LRCH3: variants seen among roughly 807,000 people sequenced by gnomAD.
The protein encoded by LRCH3 is DISP complex protein LRCH3.
Under a neutral mutation model 104.5 loss-of-function variants are expected in LRCH3, and 68 were observed. The ratio of observed to expected loss-of-function variants is 0.65; its 90% CI spans 0.54 to 0.80. The LOEUF (loss-of-function observed/expected upper bound fraction) is 0.80, where lower values mean the gene tolerates loss of function less well. Ranked by LOEUF, LRCH3 falls within the 30% of genes least tolerant of loss-of-function variation. The pLI is 0.00. For synonymous variants in LRCH3, 344 were observed against 361.3 expected, an observed-to-expected ratio of 0.95 and a Z score of 0.54; for missense variants, 951 against 953.9, an observed-to-expected ratio of 1.00 and a Z score of 0.04.
At chr3:197,865,992 A>T in intron 16 of LRCH3, 120 bp from the exon 17 acceptor site, 1 of 721,160 alleles carries the variant, frequency 1.4e-6, no homozygotes, top group South Asian at 1.8e-5. Flanking sequence ...TTTCATCATT[A>T]AATAGAATTA....
At chr3:197,811,069 T>G (rs1330477074) in intron 1 of LRCH3, among the ~76,000 whole-genome samples, 1 of 152,156 alleles carries the variant, frequency 6.6e-6, no homozygotes, top group Non-Finnish European at 1.5e-5. Flanking sequence ...GTGACAGATG[T>G]AAACAGAAAG....
intron 10 of LRCH3, among the ~76,000 whole-genome samples, chr3:197,841,566 C>T: frequency 6.6e-6 from 1 of 152,134 alleles, no homozygotes; most frequent in East Asian, 1.9e-4. Flanking sequence ...AATACAACAG[C>T]ATTCACTAGA....
At position 197,824,817 on chromosome 3, in the gene LRCH3, G is replaced by T. The variant is rs1475691434; in HGVS notation, c.641-2061G>T. On this transcript the variant is annotated intron_variant, in intron 4 of 20. Coordinates refer to ENST00000425562, the MANE Select transcript of LRCH3 (RefSeq NM_001365715.1). ...GAACTTCTGACCTCGTGATTCACCC[G>T]CCTTGGCCTCCCAAAGTGCTGGGAT... Among the ~76,000 whole-genome samples the T allele has an allele frequency of 2.0e-5, 3 of 151,604 alleles. No homozygotes were observed. In the South Asian group the frequency reaches 6.2e-4, roughly 32 times the overall value.
intron 15 of LRCH3, among the ~76,000 whole-genome samples, chr3:197,861,098 G>A (rs527297951): frequency 2.0e-4 from 30 of 151,492 alleles, no homozygotes; most frequent in African/African-American, 6.3e-4. Flanking sequence ...TCAGGCTTCC[G>A]AGTAGCTGGG....
chr3:197,849,430 T>A (rs1487094158), intron 12 of LRCH3, among the ~76,000 whole-genome samples: 1 of 152,116 alleles, frequency 6.6e-6, no homozygotes, highest in Non-Finnish European at 1.5e-5. Flanking sequence ...TCAACCCTCA[T>A]AAGAATTGTT....
rs964150959 is a variant in LRCH3, at chr3:197,886,304, C to G, written c.*2638C>G. ...AGGCTACAGTGAGCCATGGCTGCACCACTGCACTCCAGCCTGGGCAACAGA... is the reference window on the plus strand; with the variant it reads ...AGGCTACAGTGAGCCATGGCTGCACGACTGCACTCCAGCCTGGGCAACAGA... On this transcript the variant is annotated 3_prime_UTR_variant, in exon 21 of 21. Transcript: ENST00000425562. The G allele has an allele frequency of 3.9e-5, 6 of 152,138 alleles. No homozygotes were observed. Among genetic ancestry groups the G allele is most frequent in the Admixed American group, 3.3e-4 (5 of 15,260 alleles). 9.4% of individuals were successfully genotyped at this position (152,138 alleles called of 1,614,324 possible). A position where few individuals can be genotyped will look rare whatever the true frequency, so the allele number is the denominator to read the frequency against.
Position 197,850,583 on chromosome 3 carries a change from C to G in LRCH3, c.1531-1978C>G, listed in dbSNP as rs1324298883. ...GAGCTCTGTAGGTCCGGCGGCACAT[C>G]TCAGGTGCTTTGTTCACTTGGATAT... On this transcript the variant is annotated intron_variant, in intron 12 of 20. Coordinates refer to ENST00000425562, the MANE Select transcript of LRCH3 (RefSeq NM_001365715.1). 1.9e-6 allele frequency: 3 copies of G among 1,586,064 alleles called. No individual in the cohort carries two copies. In the East Asian group the frequency reaches 6.7e-5, roughly 35 times the overall value.
At chr3:197,794,989 A>G (rs1731028068) in intron 1 of LRCH3, among the ~76,000 whole-genome samples, 1 of 151,888 alleles carries the variant, frequency 6.6e-6, no homozygotes, top group African/African-American at 2.4e-5. Flanking sequence ...TGGGTGACAG[A>G]GTAAGTGCTG....
intron 8 of LRCH3, among the ~76,000 whole-genome samples, chr3:197,832,678 T>G (rs976158673): frequency 1.7e-4 from 25 of 151,268 alleles, no homozygotes; most frequent in Non-Finnish European, 2.9e-4. Context: ...CTTTTAGGAA[T>G]TTAGTCCTTT....
intron 5 of LRCH3, 106 bp downstream of exon 5, chr3:197,827,120 G>T (rs1309922901): frequency 1.3e-6 from 2 of 1,527,626 alleles, no homozygotes; most frequent in Non-Finnish European, 1.8e-6. Context: ...AATCATAGTG[G>T]AAGCATCAGG....
At chr3:197,792,604 TAAAATATAC>T (rs1252734947) in intron 1 of LRCH3, among the ~76,000 whole-genome samples, 76 of 58,416 alleles carry the variant, frequency 1.3e-3, no homozygotes, top group Middle Eastern at 6.6e-3. Context: ...TATATATATA[TAAAATATAC>T]ATATATATAT....
At chr3:197,852,508 G>C in intron 12 of LRCH3, 53 bp from the exon 13 acceptor site, 1 of 1,489,616 alleles carries the variant, frequency 6.7e-7, no homozygotes, top group Non-Finnish European at 9.2e-7. Context: ...GTTATTTGCA[G>C]TGTTCCAGGC....
At chr3:197,844,321 A>G (rs1738269933) in intron 10 of LRCH3, among the ~76,000 whole-genome samples, 1 of 152,214 alleles carries the variant, frequency 6.6e-6, no homozygotes, top group Non-Finnish European at 1.5e-5. Flanking sequence ...TTGAACAACC[A>G]GAAAAACAAA....
Position 197,883,118 on chromosome 3 carries a change from T to C in LRCH3, c.2209-423T>C. On this transcript the variant is annotated intron_variant, in intron 20 of 20. Coordinates refer to ENST00000425562, the MANE Select transcript of LRCH3 (RefSeq NM_001365715.1). The surrounding 1 kb of genome is among the most constrained non-coding windows in gnomAD (Gnocchi z 4.2). ...ATCTTTCATTCTTGTGGTAGGGAAC[T>C]TACCCTCAAGTGTAGTATCTTTTAC... is the stretch of plus-strand genomic sequence containing the variant. 4 of 986,624 alleles carry C rather than the reference T, an allele frequency of 4.1e-6. No individual in the cohort carries two copies. The highest frequency in any genetic ancestry group is 4.8e-6 in the Non-Finnish European group (4 of 830,748). 61.1% of individuals were successfully genotyped at this position (986,624 alleles called of 1,614,324 possible).
chr3:197,812,576 A>G (rs1181233054), intron 1 of LRCH3, among the ~76,000 whole-genome samples: 2 of 122,416 alleles, frequency 1.6e-5, no homozygotes, highest in Non-Finnish European at 3.2e-5. Flanking sequence ...TAGTGGCGCC[A>G]TCTCGGCTCA....
At chr3:197,879,538 C>G (rs528955104) in intron 20 of LRCH3, among the ~76,000 whole-genome samples, 16 of 151,650 alleles carry the variant, frequency 1.1e-4, no homozygotes, top group East Asian at 3.9e-4. Context: ...CCCAGCTGCT[C>G]GGGAGGCTGA....
intron 10 of LRCH3, among the ~76,000 whole-genome samples, chr3:197,845,066 A>G (rs895733556): frequency 6.6e-6 from 1 of 152,216 alleles, no homozygotes; most frequent in African/African-American, 2.4e-5. Flanking sequence ...TGCAAAATAC[A>G]GTAATGAGAT....
Position 197,883,032 on chromosome 3 carries a change from C to T in LRCH3, c.2209-509C>T, listed in dbSNP as rs1199267143. ...TCTGGTCTGGAAACCCTGGTTTTCA[C>T]AGTCAGGATTATAATGCAGATAGCG... is the stretch of plus-strand genomic sequence containing the variant. On this transcript the variant is annotated intron_variant, in intron 20 of 20. Coordinates refer to ENST00000425562, the MANE Select transcript of LRCH3 (RefSeq NM_001365715.1). The surrounding 1 kb of genome is among the most constrained non-coding windows in gnomAD (Gnocchi z 4.2). 75 of 985,278 alleles carry T rather than the reference C, an allele frequency of 7.6e-5. No individual in the cohort carries two copies. Among genetic ancestry groups the T allele is most frequent in the Non-Finnish European group, 7.7e-5 (64 of 829,910 alleles). The allele number at this position is 985,278 out of a possible 1,614,324, so 61.0% of individuals were successfully genotyped here. A position where few individuals can be genotyped will look rare whatever the true frequency, so the allele number is the denominator to read the frequency against.
At position 197,885,186 on chromosome 3, in the gene LRCH3, G is replaced by C. The variant is rs992738525; in HGVS notation, c.*1520G>C. 2.0e-5 allele frequency: 3 copies of C among 152,256 alleles called. No homozygotes were observed. The highest frequency in any genetic ancestry group is 2.9e-5 in the Non-Finnish European group (2 of 68,106). The allele number at this position is 152,256 out of a possible 1,614,324, so 9.4% of individuals were successfully genotyped here. On this transcript the variant is annotated 3_prime_UTR_variant, in exon 21 of 21. Transcript: ENST00000425562. The stretch of plus-strand genomic sequence containing the variant: ...ACTGAGCCTCCCTCCCCGCCCTCCT[G>C]CTGCTCCTCAGACATCTGGGCCTGC...
Sources: gnomAD v4.1 joint callset for allele counts (sites outside exome capture counted in the v4.1 genomes callset) on GRCh38, gnomAD v4.1.1 for gene constraint, Gnocchi (gnomAD v3.1) non-coding constraint, MANE v1.5 for transcripts, NCBI Gene and HGNC (gene_info 2026-07-23, HGNC 2026-07-21) for gene names.